HAS1: variants seen among roughly 807,000 people sequenced by gnomAD.
The protein encoded by HAS1 is hyaluronan synthase 1, also known as HA synthase 1.
HAS1 carries 27 observed loss-of-function variants against 35.0 expected under a neutral mutation model. That is an observed-to-expected ratio of 0.77 (90% confidence interval 0.57 to 1.06). The LOEUF is 1.06. Among genes scored for constraint, HAS1 ranks in the 50% least tolerant of loss-of-function variants. The pLI is 0.00. For missense variants in HAS1, 940 were observed against 814.8 expected (o/e 1.15, Z -1.87); for synonymous variants, 409 against 371.2 (o/e 1.10, Z -1.17).
Position 51,719,689 on chromosome 19 carries a change from G to C in HAS1, c.216C>G (p.Phe72Leu). The C allele has an allele frequency of 6.4e-7, 1 of 1,559,488 alleles. No individual in the cohort carries two copies. The highest frequency in any genetic ancestry group is 1.2e-5 in the South Asian group (1 of 85,012). The part of the protein sequence containing the change: ...LSAHLVAQSL[F>L]AYLEHRRVAA... ...CCACCCGCCGGTGCTCCAGGTACGC[G>C]AAGAGGCTCTGCGCCACCAGGTGCG... The change falls in exon 2 of 5, where the codon TTC (phenylalanine) becomes TTG (leucine). Residue 72 changes from phenylalanine (F) to leucine (L), a missense_variant. By Grantham distance (22) the Phe-to-Leu change is conservative (BLOSUM62 0). Coordinates refer to ENST00000540069, the MANE Select transcript of HAS1 (RefSeq NM_001297436.2).
chr19:51,723,988 CTG>C lies in HAS1; in HGVS notation c.-57_-56del. The C allele has an allele frequency of 6.5e-7, 1 of 1,533,954 alleles. No individual in the cohort carries two copies. Among genetic ancestry groups the C allele is most frequent in the Non-Finnish European group, 8.8e-7 (1 of 1,142,112 alleles). The stretch of plus-strand genomic sequence containing the variant: ...TCTCCGGCTTGCTCTCCCAGCCTCT[CTG>C]TGGCCAGAGAGCTGGAGGGGGGTCA... On this transcript the variant is annotated 5_prime_UTR_variant, in exon 1 of 5. Transcript: ENST00000540069.
intron 2 of HAS1, among the ~76,000 whole-genome samples, 169 bp from the exon 3 acceptor site, chr19:51,717,362 C>T (rs2083594785): frequency 1.3e-5 from 2 of 152,148 alleles, no homozygotes; most frequent in Admixed American, 6.5e-5. Flanking sequence ...TTAACATGTA[C>T]TCCAAGATGC....
chr19:51,721,533 T>G (rs2083631700), intron 1 of HAS1, among the ~76,000 whole-genome samples: 1 of 152,090 alleles, frequency 6.6e-6, no homozygotes, highest in Admixed American at 6.5e-5. Flanking sequence ...ATCCCAGCAC[T>G]TTGGGAGGCG....
intron 4 of HAS1, 98 bp downstream of exon 4, chr19:51,716,158 G>C: frequency 9.3e-7 from 1 of 1,070,600 alleles, no homozygotes; most frequent in Non-Finnish European, 1.4e-6. Flanking sequence ...CCATTGTCTG[G>C]TGAGTTACTT....
rs1032740488 is a variant in HAS1 at position 51,719,329 on chromosome 19, C to A, written c.576G>T (p.Arg192=). Residue 192 remains arginine (R), a synonymous_variant, in exon 2 of 5, where the codon CGG becomes CGT. Transcript: ENST00000540069. ...YREVEAEDPG[R]LAVEALVRTR... ...TCCTCACCAGCGCCTCCACTGCCAG[C>A]CGCCCAGGATCCTCCGCCTCCACCT... is the stretch of plus-strand genomic sequence containing the variant. 3.7e-6 allele frequency: 6 copies of A among 1,612,242 alleles called. No homozygotes were observed. The highest frequency in any genetic ancestry group is 1.1e-5 in the South Asian group (1 of 90,820).
Position 51,713,570 on chromosome 19 carries a change from G to T in HAS1, c.1591C>A (p.Pro531Thr). Reference protein sequence around the residue: ...AHEARADWSGPSRAAEAYHLA... With the variant: ...AHEARADWSGTSRAAEAYHLA... ...TGGTAGGCCTCGGCTGCGCGGGAAG[G>T]GCCGCTCCAGTCGGCCCTGGCCTCG... The change falls in exon 5 of 5, where the codon CCT (proline) becomes ACT (threonine). Residue 531 changes from proline (P) to threonine (T), a missense_variant. Pro to Thr is a conservative substitution (Grantham distance 38). Coordinates refer to ENST00000540069, the MANE Select transcript of HAS1 (RefSeq NM_001297436.2). This position sits in a 1 kb window ranked among gnomAD's most constrained non-coding sequence, Gnocchi z 4.5. 3 of 1,571,392 alleles carry T rather than the reference G, an allele frequency of 1.9e-6. No homozygotes were observed. Among genetic ancestry groups the T allele is most frequent in the Non-Finnish European group, 1.7e-6 (2 of 1,159,240 alleles).
intron 1 of HAS1, among the ~76,000 whole-genome samples, chr19:51,720,571 C>A (rs761628130): frequency 6.6e-6 from 1 of 152,092 alleles, no homozygotes; most frequent in East Asian, 1.9e-4. Flanking sequence ...TAGCTCACTG[C>A]AGCTTCTAAC....
intron 1 of HAS1, 37 bp downstream of exon 1, chr19:51,723,888 C>CACAG: frequency 8.6e-7 from 1 of 1,161,736 alleles, no homozygotes; most frequent in Non-Finnish European, 1.2e-6. Flanking sequence ...GCTGTATACA[C>CACAG]ACACACACAC....
At position 51,714,124 on chromosome 19, in the gene HAS1, G is replaced by A. The variant is rs373226342; in HGVS notation, c.1059-22C>T. The A allele has an allele frequency of 3.9e-5, 62 of 1,601,962 alleles. No individual in the cohort carries two copies. The African/African-American group carries it at 7.5e-4, about 19-fold the overall frequency. On this transcript the variant is annotated intron_variant, in intron 4 of 4. Transcript: ENST00000540069. ...GTACCTGCACGGGGGCGAGGAATGA[G>A]GGCATCATCGCGTGCTCCCTGGGGC...
At position 51,714,217 on chromosome 19, in the gene HAS1, T is replaced by G. The variant is rs2083568208; in HGVS notation, c.1059-115A>C. On this transcript the variant is annotated intron_variant, in intron 4 of 4. Transcript: ENST00000540069. Reference sequence around the variant, plus strand: ...CACTGGGGGCGAGTTTCTTAACCTCTCTAGGCCTCAGTGTTCTCATGTGTA... The same window carrying G: ...CACTGGGGGCGAGTTTCTTAACCTCGCTAGGCCTCAGTGTTCTCATGTGTA... 3.4e-6 allele frequency: 5 copies of G among 1,481,440 alleles called. No individual in the cohort carries two copies. In the African/African-American group the frequency reaches 6.9e-5, roughly 21 times the overall value. 91.8% of individuals were successfully genotyped at this position (1,481,440 alleles called of 1,614,324 possible).
At chr19:51,716,050 T>C (rs2083583924) in intron 4 of HAS1, among the ~76,000 whole-genome samples, 1 of 152,186 alleles carries the variant, frequency 6.6e-6, no homozygotes, top group Non-Finnish European at 1.5e-5. Flanking sequence ...CCCTCTTCCC[T>C]AATATCTCAC....
chr19:51,713,416 C>T lies in HAS1; in HGVS notation c.*11G>A. 6.7e-7 allele frequency: 1 copy of T among 1,492,442 alleles called. No homozygotes were observed. The highest frequency in any genetic ancestry group is 8.9e-7 in the Non-Finnish European group (1 of 1,120,330). The allele number at this position is 1,492,442 out of a possible 1,614,324, so 92.4% of individuals were successfully genotyped here. A position where few individuals can be genotyped will look rare whatever the true frequency, so the allele number is the denominator to read the frequency against. ...CTGAAGACCCTTGAGGCGGCATCCG[C>T]GTGGCTGGACTCACACCTGGACGCG... On this transcript the variant is annotated 3_prime_UTR_variant, in exon 5 of 5. Transcript: ENST00000540069. This position sits in a 1 kb window ranked among gnomAD's most constrained non-coding sequence, Gnocchi z 4.5.
rs1025028325 is a variant in HAS1 at position 51,713,297 on chromosome 19, G to C, written c.*130C>G. 49 of 865,332 alleles carry C rather than the reference G, an allele frequency of 5.7e-5. No homozygotes were observed. Among genetic ancestry groups the C allele is most frequent in the Admixed American group, 4.0e-4 (12 of 29,752 alleles). 53.6% of individuals were successfully genotyped at this position (865,332 alleles called of 1,614,324 possible). On this transcript the variant is annotated 3_prime_UTR_variant, in exon 5 of 5. Transcript: ENST00000540069. This position sits in a 1 kb window ranked among gnomAD's most constrained non-coding sequence, Gnocchi z 4.5. Reference sequence around the variant, plus strand: ...AGTCCAGACTGAAGAATCTTGGGCTGACCCCCTCGTTTTGCAGAGGAGGGA... The same window carrying C: ...AGTCCAGACTGAAGAATCTTGGGCTCACCCCCTCGTTTTGCAGAGGAGGGA...
At chr19:51,716,851 C>G (rs1429521086) in intron 3 of HAS1, 117 bp downstream of exon 3, 1 of 767,112 alleles carries the variant, frequency 1.3e-6, no homozygotes, top group African/African-American at 1.7e-5. Flanking sequence ...ATCCCATCCC[C>G]AATTCCTGCC....
Position 51,713,890 on chromosome 19 carries a change from G to A in HAS1, c.1271C>T (p.Ala424Val), listed in dbSNP as rs777058982. The A allele has an allele frequency of 6.2e-7, 1 of 1,606,308 alleles. No individual in the cohort carries two copies. Among genetic ancestry groups the A allele is most frequent in the African/African-American group, 1.3e-5 (1 of 75,066 alleles). The change falls in exon 5 of 5, where the codon GCG (alanine) becomes GTG (valine). Residue 424 changes from alanine (A) to valine (V), a missense_variant. Transcript: ENST00000540069. This position sits in a 1 kb window ranked among gnomAD's most constrained non-coding sequence, Gnocchi z 4.5. The stretch of plus-strand genomic sequence containing the variant: ...CCACAGCAGCGCCCAAGGGCGGCCC[G>A]CGTAGAACAGACGCAGCACAGTGGC... ...VAATVLRLFYAGRPWALLWVL... is the reference protein window; with the variant it reads ...VAATVLRLFYVGRPWALLWVL...
chr19:51,719,027 G>A (rs2083604657), intron 2 of HAS1, among the ~76,000 whole-genome samples, 179 bp downstream of exon 2: 1 of 152,176 alleles, frequency 6.6e-6, no homozygotes, highest in African/African-American at 2.4e-5. Flanking sequence ...TCTCCATATT[G>A]GATAAAGGGA....
chr19:51,717,051 C>T lies in HAS1; in HGVS notation c.842G>A (p.Ser281Asn). 1 of 1,614,134 alleles carries T rather than the reference C, an allele frequency of 6.2e-7. No homozygotes were observed. The highest frequency in any genetic ancestry group is 8.5e-7 in the Non-Finnish European group (1 of 1,180,000). The change falls in exon 3 of 5, where the codon AGC becomes AAC. Residue 281 changes from serine to asparagine, a missense_variant. Ser to Asn is a conservative substitution (Grantham distance 46). Coordinates refer to ENST00000540069, the MANE Select transcript of HAS1 (RefSeq NM_001297436.2). ...PLDSWVSFLS[S>N]LRYWVAFNVE... ...ATTGAAGGCTACCCAGTATCGCAGGCTGCTTAGGAAGCTGACCCAGGAGTC... is the reference window on the plus strand; with the variant it reads ...ATTGAAGGCTACCCAGTATCGCAGGTTGCTTAGGAAGCTGACCCAGGAGTC...
At chr19:51,723,015 C>T (rs1419153780) in intron 1 of HAS1, among the ~76,000 whole-genome samples, 2 of 152,170 alleles carry the variant, frequency 1.3e-5, no homozygotes, top group Non-Finnish European at 2.9e-5. Flanking sequence ...CTCGAATCCC[C>T]CTTCTCTCTT....
Position 51,719,824 on chromosome 19 carries a change from GA to G in HAS1, c.80del (p.Phe27SerfsTer9). 1 of 1,554,852 alleles carries G rather than the reference GA, an allele frequency of 6.4e-7. No homozygotes were observed. Among genetic ancestry groups the G allele is most frequent in the Admixed American group, 1.9e-5 (1 of 52,374 alleles). ...GLARRVLTIA[F>X]ALLILGLMTW... Reference sequence around the variant, plus strand: ...TCATGAGGCCCAGGATGAGCAGGGCGAAGGCGATGGTCAGCACCCTCCGGGC... The same window carrying G: ...TCATGAGGCCCAGGATGAGCAGGGCGAGGCGATGGTCAGCACCCTCCGGGC... On this transcript the variant is annotated frameshift_variant, in exon 2 of 5. Coordinates refer to ENST00000540069, the MANE Select transcript of HAS1 (RefSeq NM_001297436.2). LOFTEE classifies it high-confidence loss of function.
Sources: gnomAD v4.1 joint callset for allele counts (sites outside exome capture counted in the v4.1 genomes callset) on GRCh38, gnomAD v4.1.1 for gene constraint, Gnocchi (gnomAD v3.1) non-coding constraint, MANE v1.5 for transcripts, NCBI Gene and HGNC (gene_info 2026-07-23, HGNC 2026-07-21) for gene names.